Variants in SCN10A observed in about 807,000 individuals in gnomAD.
The protein encoded by SCN10A is sodium channel protein type 10 subunit alpha.
In SCN10A, 162 loss-of-function variants were observed where a neutral mutation model predicts 170.7. The observed-to-expected ratio is 0.95, with a 90% CI of 0.84 to 1.08. The LOEUF (loss-of-function observed/expected upper bound fraction) is 1.08. SCN10A is among the 50% of genes least tolerant of loss of function. The probability of loss-of-function intolerance (pLI) is 0.00; values close to 1 mark genes in which losing one functional copy is unlikely to be tolerated. For missense variants in SCN10A, 2,527 were observed against 2,436.9 expected (o/e 1.04, Z -0.78); for synonymous variants, 985 against 904.6 (o/e 1.09, Z -1.59).
At chr3:38,728,123 C>T (rs1167475298) in intron 16 of SCN10A, among the ~76,000 whole-genome samples, 1 of 152,148 alleles carries the variant, frequency 6.6e-6, no homozygotes, top group Non-Finnish European at 1.5e-5. Context: ...TAATAGACAC[C>T]GTTTATTGAG....
At chr3:38,708,513 C>T (rs1430236805) in intron 25 of SCN10A, among the ~76,000 whole-genome samples, 1 of 152,172 alleles carries the variant, frequency 6.6e-6, no homozygotes, top group Non-Finnish European at 1.5e-5. Context: ...GCAAGGATTT[C>T]CTGTAAGTGG....
intron 21 of SCN10A, among the ~76,000 whole-genome samples, chr3:38,717,604 C>T (rs1201473862): frequency 2.0e-5 from 3 of 152,364 alleles, no homozygotes; most frequent in African/African-American, 4.8e-5. Flanking sequence ...ATTGAATGCA[C>T]AGGCCTGCTA....
At chr3:38,752,157 C>T (rs2063753491) in intron 12 of SCN10A, 62 bp downstream of exon 12, 1 of 1,414,778 alleles carries the variant, frequency 7.1e-7, no homozygotes, top group African/African-American at 1.5e-5. Flanking sequence ...ACTCAGGCTT[C>T]TTGGCTCAAG....
rs369658549 is a variant in SCN10A at position 38,724,677 on chromosome 3, T to C, written c.3228+497A>G. 2.9e-3 allele frequency among the ~76,000 whole-genome samples: 444 copies of C among 152,324 alleles called. 1 individual carries two copies. Among genetic ancestry groups the C allele is most frequent in the Non-Finnish European group, 3.4e-3 (229 of 68,028 alleles). On this transcript the variant is annotated intron_variant, in intron 18 of 27. Coordinates refer to ENST00000449082, the MANE Select transcript of SCN10A (RefSeq NM_006514.4). ...TTCATCTGTGAGCACCTCCAACTCTTATTTGCTGGCTCTGAAAGATATTTG... is the reference window on the plus strand; with the variant it reads ...TTCATCTGTGAGCACCTCCAACTCTCATTTGCTGGCTCTGAAAGATATTTG...
intron 1 of SCN10A, among the ~76,000 whole-genome samples, chr3:38,798,635 C>A (rs979082029): frequency 6.6e-6 from 1 of 152,106 alleles, no homozygotes; most frequent in Non-Finnish European, 1.5e-5. Context: ...TAGCTCCAAG[C>A]TCGGCCCTGG....
intron 20 of SCN10A, 25 bp from the exon 21 acceptor site, chr3:38,718,851 T>C (rs2125994571): frequency 1.2e-6 from 2 of 1,610,808 alleles, no homozygotes; most frequent in Middle Eastern, 1.7e-4. Context: ...GGATGCAGAA[T>C]GGCAGGCTGC....
rs117804016 is a variant in SCN10A, at chr3:38,704,423, C to T, written c.4387-2314G>A. On this transcript the variant is annotated intron_variant, in intron 26 of 27. Coordinates refer to ENST00000449082, the MANE Select transcript of SCN10A (RefSeq NM_006514.4). ...AGCAGGCAACGGCATCGTTAAGTGGCTGGGTGTGAAGTTTGCCCTGGATAT... is the reference window on the plus strand; with the variant it reads ...AGCAGGCAACGGCATCGTTAAGTGGTTGGGTGTGAAGTTTGCCCTGGATAT... 1.2e-3 allele frequency among the ~76,000 whole-genome samples: 181 copies of T among 152,306 alleles called. 2 individuals carry two copies. In the East Asian group the frequency reaches 0.022, roughly 18 times the overall value.
At chr3:38,815,476 G>T (rs1204666988) in intron 1 of SCN10A, among the ~76,000 whole-genome samples, 1 of 152,172 alleles carries the variant, frequency 6.6e-6, no homozygotes, top group Non-Finnish European at 1.5e-5. Context: ...GTGTGACTAA[G>T]AATGAAATCC....
chr3:38,797,834 A>G (rs532278454), intron 1 of SCN10A, among the ~76,000 whole-genome samples: 21 of 152,354 alleles, frequency 1.4e-4, no homozygotes, highest in South Asian at 6.2e-4. Context: ...AGGTCAAAGC[A>G]GACTCAGCTA....
At chr3:38,790,405 C>T (rs1244795843) in intron 3 of SCN10A, among the ~76,000 whole-genome samples, 1 of 151,838 alleles carries the variant, frequency 6.6e-6, no homozygotes, top group Non-Finnish European at 1.5e-5. Context: ...CTCTACCAAG[C>T]AATTATTTAC....
At chr3:38,813,900 C>T (rs2064455798) in intron 1 of SCN10A, among the ~76,000 whole-genome samples, 1 of 152,152 alleles carries the variant, frequency 6.6e-6, no homozygotes, top group Non-Finnish European at 1.5e-5. Flanking sequence ...GAATCTTATT[C>T]CCATATGATC....
chr3:38,791,758 C>G lies in SCN10A; in HGVS notation c.389+292G>C, dbSNP rs192495980. Among the ~76,000 whole-genome samples, 13 of 152,320 alleles carry G rather than the reference C, an allele frequency of 8.5e-5. No homozygotes were observed. The East Asian group carries it at 1.3e-3, about 16-fold the overall frequency. On this transcript the variant is annotated intron_variant, in intron 3 of 27. Transcript: ENST00000449082. ...TGTGTCTGGGGGCATCAGCAAACCT[C>G]CCCTCATAAAGAGGATGTTTTTCAA...
chr3:38,756,229 G>A (rs892963961), intron 10 of SCN10A, among the ~76,000 whole-genome samples: 1 of 152,096 alleles, frequency 6.6e-6, no homozygotes, highest in Admixed American at 6.5e-5. Flanking sequence ...AGCAGCTGAT[G>A]GCTCATACTT....
At chr3:38,805,484 A>T (rs2064399663) in intron 1 of SCN10A, among the ~76,000 whole-genome samples, 1 of 152,166 alleles carries the variant, frequency 6.6e-6, no homozygotes, top group South Asian at 2.1e-4. Flanking sequence ...AGACTTTAAG[A>T]AGATTGTCTC....
intron 2 of SCN10A, among the ~76,000 whole-genome samples, chr3:38,792,872 C>T (rs2064300905): frequency 6.6e-6 from 1 of 152,062 alleles, no homozygotes; most frequent in South Asian, 2.1e-4. Context: ...ACTCTCAAAC[C>T]TTATTGAGGA....
chr3:38,767,515 A>C (rs1373436807), intron 5 of SCN10A, among the ~76,000 whole-genome samples: 1 of 152,066 alleles, frequency 6.6e-6, no homozygotes, highest in Non-Finnish European at 1.5e-5. Context: ...ATTCAAGAGC[A>C]GATTGTTTAG....
intron 12 of SCN10A, among the ~76,000 whole-genome samples, chr3:38,752,001 T>C (rs1559443497): frequency 6.6e-6 from 1 of 152,170 alleles, no homozygotes; most frequent in Non-Finnish European, 1.5e-5. Flanking sequence ...GCATCACTAC[T>C]GCAGAATAAA....
chr3:38,710,911 G>A lies in SCN10A; in HGVS notation c.4090-14C>T, dbSNP rs985052543. On this transcript the variant is annotated splice_polypyrimidine_tract_variant and intron_variant, in intron 23 of 27. Transcript: ENST00000449082. ...TTTAAAGGTTGCCTGGAGACAAGGA[G>A]CAGAGGCCACTCAGTGTCTGCCCAT... 8.1e-6 allele frequency: 13 copies of A among 1,612,082 alleles called. No homozygotes were observed. The highest frequency in any genetic ancestry group is 3.3e-5 in the Admixed American group (2 of 59,862).
In SCN10A at chr3:38,698,352, A is replaced by G; in HGVS notation, c.4868T>C (p.Ile1623Thr). Residue 1623 changes from isoleucine (I) to threonine (T), a missense_variant, in exon 28 of 28, where the codon ATC becomes ACC. By Grantham distance (89) the Ile-to-Thr change is moderately conservative (BLOSUM62 -1). Coordinates refer to ENST00000449082, the MANE Select transcript of SCN10A (RefSeq NM_006514.4). ...LLFLVMFIYS[I>T]FGMSSFPHVR... Reference sequence around the variant, plus strand: ...ATGGGGAAAGCTGGACATACCGAAGATAGAGTAGATGAACATGACAAGGAA... The same window carrying G: ...ATGGGGAAAGCTGGACATACCGAAGGTAGAGTAGATGAACATGACAAGGAA... 1 of 1,613,988 alleles carries G rather than the reference A, an allele frequency of 6.2e-7. No homozygotes were observed. The highest frequency in any genetic ancestry group is 1.3e-5 in the African/African-American group (1 of 75,038).
Sources: gnomAD v4.1 joint callset for allele counts (sites outside exome capture counted in the v4.1 genomes callset) on GRCh38, gnomAD v4.1.1 for gene constraint, MANE v1.5 for transcripts, NCBI Gene and HGNC (gene_info 2026-07-23, HGNC 2026-07-21) for gene names.